Variants in AAGAB observed in about 807,000 individuals in gnomAD.
AAGAB encodes the protein alpha- and gamma-adaptin-binding protein p34.
In AAGAB, 38 loss-of-function variants were observed where a neutral mutation model predicts 44.1. That is an observed-to-expected ratio of 0.86 (90% CI 0.67 to 1.13). The LOEUF is 1.13. Among genes scored for constraint, AAGAB ranks in the 50% most tolerant of loss-of-function variants. AAGAB has a pLI of 0.00. For missense variants in AAGAB, 450 were observed against 373.8 expected, an observed-to-expected ratio of 1.20 and a Z score of -1.68; for synonymous variants, 131 against 131.8, an observed-to-expected ratio of 0.99 and a Z score of 0.04.
chr15:67,236,057 G>A lies in AAGAB; in HGVS notation c.373C>T (p.Gln125Ter). ...DRVSEDGINR[Q>*]KAQEWCIKHG... ...TTGATGCACCATTCTTGAGCTTTTT[G>A]TCGGTTTATACCTAAAATAATATGC... The change falls in exon 4 of 10, where the codon CAA becomes TAA. Residue 125 changes from glutamine (Q) to a stop codon, truncating the protein, a stop_gained. Transcript: ENST00000261880. LOFTEE classifies it high-confidence loss of function. 1 of 1,611,420 alleles carries A rather than the reference G, an allele frequency of 6.2e-7. No homozygotes were observed. The highest frequency in any genetic ancestry group is 8.5e-7 in the Non-Finnish European group (1 of 1,178,202).
chr15:67,235,950 A>G (rs754482407), intron 4 of AAGAB, 29 bp downstream of exon 4: 2 of 1,466,836 alleles, frequency 1.4e-6, no homozygotes, highest in South Asian at 2.4e-5. Context: ...TCTAAGTGCC[A>G]TATTTTCTCC....
In AAGAB at chr15:67,200,755, T is replaced by C. The variant is rs1371319633; in HGVS notation, c.*2066A>G. On this transcript the variant is annotated 3_prime_UTR_variant, in exon 10 of 10. Transcript: ENST00000261880. ...AGATAGACTGCAGCTATTACTGTAGTGTTAGCTCATGATCACTATTCTAAC... is the reference window on the plus strand; with the variant it reads ...AGATAGACTGCAGCTATTACTGTAGCGTTAGCTCATGATCACTATTCTAAC... Among the ~76,000 whole-genome samples, 1 of 152,264 alleles carries C rather than the reference T, an allele frequency of 6.6e-6. No individual in the cohort carries two copies. Among genetic ancestry groups the C allele is most frequent in the Non-Finnish European group, 1.5e-5 (1 of 68,038 alleles).
intron 1 of AAGAB, among the ~76,000 whole-genome samples, chr15:67,249,871 G>A (rs1482160741): frequency 6.6e-6 from 1 of 152,056 alleles, no homozygotes; most frequent in Non-Finnish European, 1.5e-5. Context: ...ACCTTCACAG[G>A]GATACAAAGA....
intron 7 of AAGAB, among the ~76,000 whole-genome samples, chr15:67,205,871 A>C (rs1963673267): frequency 6.9e-6 from 1 of 144,932 alleles, no homozygotes; most frequent in Non-Finnish European, 1.5e-5. Context: ...TTTGCCTTAA[A>C]TCTTTTTCTT....
At chr15:67,250,118 T>G (rs1211704356) in intron 1 of AAGAB, among the ~76,000 whole-genome samples, 1 of 152,160 alleles carries the variant, frequency 6.6e-6, no homozygotes, top group African/African-American at 2.4e-5. Context: ...ATGTTAAAAC[T>G]TACATATCTT....
In AAGAB at chr15:67,208,568, T is replaced by C. The variant is rs1432644705; in HGVS notation, c.709A>G (p.Ile237Val). The change falls in exon 7 of 10, where the codon ATT becomes GTT. Residue 237 changes from isoleucine to valine, a missense_variant. Ile to Val is a conservative substitution (Grantham distance 29). Transcript: ENST00000261880. The stretch of plus-strand genomic sequence containing the variant: ...AGCCAAAGGAGGAACTTACCCACAA[T>C]GCTATCAACCTGGGCATCTGTTGTG... The part of the protein sequence containing the change: ...SNTTDAQVDS[I>V]VDPMLDLDIQ... The C allele has an allele frequency of 1.2e-6, 2 of 1,614,012 alleles. No individual in the cohort carries two copies. Among genetic ancestry groups the C allele is most frequent in the Non-Finnish European group, 1.7e-6 (2 of 1,179,894 alleles).
intron 1 of AAGAB, among the ~76,000 whole-genome samples, chr15:67,241,512 T>A (rs1305636673): frequency 6.6e-6 from 1 of 152,122 alleles, no homozygotes; most frequent in African/African-American, 2.4e-5. Context: ...TCTTCTTTCT[T>A]CCCTTTGTGA....
chr15:67,231,440 C>T (rs1438763138), intron 5 of AAGAB, among the ~76,000 whole-genome samples: 1 of 152,232 alleles, frequency 6.6e-6, no homozygotes, highest in African/African-American at 2.4e-5. Flanking sequence ...CTGCCTGCAT[C>T]AGTCATCTGT....
intron 5 of AAGAB, among the ~76,000 whole-genome samples, chr15:67,215,015 C>A (rs564929236): frequency 6.6e-6 from 1 of 151,966 alleles, no homozygotes; most frequent in African/African-American, 2.4e-5. Flanking sequence ...TAAAAAGACT[C>A]AATCATTCTC....
intron 5 of AAGAB, among the ~76,000 whole-genome samples, chr15:67,219,397 G>C (rs751346232): frequency 2.0e-5 from 3 of 152,180 alleles, no homozygotes; most frequent in Non-Finnish European, 4.4e-5. Context: ...CAATAGCAAA[G>C]ATGGGGAATC....
At chr15:67,246,758 TGCACCAATCAGCACTCTGCAAAAAC>T (rs1035315476) in intron 1 of AAGAB, among the ~76,000 whole-genome samples, 7 of 150,864 alleles carry the variant, frequency 4.6e-5, no homozygotes, top group African/African-American at 1.7e-4. Flanking sequence ...GGATTGTAAA[TGCACCAATCAGCACTCTGCAAAAAC>T]GCACCAATCA....
chr15:67,225,588 T>C (rs1255529209), intron 5 of AAGAB, among the ~76,000 whole-genome samples: 1 of 152,208 alleles, frequency 6.6e-6, no homozygotes, highest in Non-Finnish European at 1.5e-5. Context: ...ACCACTAATC[T>C]ACTTTCTATC....
rs1963616732 is a variant in AAGAB, at chr15:67,203,564, T to G, written c.854A>C (p.Lys285Thr). The G allele has an allele frequency of 1.9e-6, 3 of 1,613,672 alleles. No individual in the cohort carries two copies. In the African/African-American group the frequency reaches 4.0e-5, roughly 22 times the overall value. ...KAATLPHEQR[K>T]VHAEKVAKAF... Reference sequence around the variant, plus strand: ...TTGTCTCACCTTTTCTGCATGCACTTTTCTTTGCTCATGAGGAAGCGTCGC... The same window carrying G: ...TTGTCTCACCTTTTCTGCATGCACTGTTCTTTGCTCATGAGGAAGCGTCGC... Residue 285 changes from lysine (K) to threonine (T), a missense_variant, in exon 9 of 10, where the codon AAA becomes ACA. Transcript: ENST00000261880.
chr15:67,221,488 G>C (rs1440297714), intron 5 of AAGAB, among the ~76,000 whole-genome samples: 1 of 152,164 alleles, frequency 6.6e-6, no homozygotes, highest in African/African-American at 2.4e-5. Context: ...GGATGATCCT[G>C]GCAAGGATGC....
intron 1 of AAGAB, among the ~76,000 whole-genome samples, chr15:67,248,828 G>A (rs995085310): frequency 9.2e-5 from 14 of 152,102 alleles, no homozygotes; most frequent in African/African-American, 2.9e-4. Flanking sequence ...CCTGAGGACC[G>A]GAGGGTTATT....
chr15:67,230,539 G>T (rs540626873), intron 5 of AAGAB, among the ~76,000 whole-genome samples: 2 of 152,178 alleles, frequency 1.3e-5, no homozygotes, highest in Non-Finnish European at 2.9e-5. Context: ...TAGAAGAGAG[G>T]CCTGAAACAG....
intron 5 of AAGAB, chr15:67,226,875 A>G: frequency 3.9e-6 from 1 of 253,486 alleles, no homozygotes; most frequent in Non-Finnish European, 8.4e-6. Flanking sequence ...GAAGGAATGC[A>G]ATTCATCTCT....
rs369049544 is a variant in AAGAB at position 67,254,624 on chromosome 15, G to A, written c.8C>T (p.Ala3Val). 9 of 1,600,312 alleles carry A rather than the reference G, an allele frequency of 5.6e-6. No homozygotes were observed. Among genetic ancestry groups the A allele is most frequent in the Non-Finnish European group, 6.8e-6 (8 of 1,176,000 alleles). MA[A>V]GVPCALVTSC... ...GGTGACTAACGCACAGGGTACGCCA[G>A]CAGCCATAGCTGCGCTCGCGAGCCG... Residue 3 changes from alanine to valine, a missense_variant, in exon 1 of 10, where the codon GCT (alanine) becomes GTT (valine). Ala to Val is a moderately conservative substitution (Grantham distance 64). Coordinates refer to ENST00000261880, the MANE Select transcript of AAGAB (RefSeq NM_024666.5).
chr15:67,254,948 G>A (rs200974020), upstream of AAGAB: 35 of 1,613,106 alleles, frequency 2.2e-5, no homozygotes, highest in Non-Finnish European at 1.2e-5. Context: ...CTTAATCCAG[G>A]TGGGAAACGG....
Sources: gnomAD v4.1 joint callset for allele counts (sites outside exome capture counted in the v4.1 genomes callset) on GRCh38, gnomAD v4.1.1 for gene constraint, MANE v1.5 for transcripts, NCBI Gene and HGNC (gene_info 2026-07-23, HGNC 2026-07-21) for gene names.